SEC63: variants seen among roughly 807,000 people sequenced by gnomAD.
SEC63 encodes the protein translocation protein SEC63 homolog.
In SEC63, 56 loss-of-function variants were observed where a neutral mutation model predicts 116.2. That is an observed-to-expected ratio of 0.48 (90% CI 0.39 to 0.60). SEC63 has a LOEUF of 0.60. Ranked by LOEUF, SEC63 falls within the 20% of genes least tolerant of loss-of-function variation. The probability of loss-of-function intolerance (pLI) is 0.00; values close to 1 mark genes in which losing one functional copy is unlikely to be tolerated. For synonymous variants in SEC63, 273 were observed against 294.6 expected (o/e 0.93, Z 0.75); for missense variants, 668 against 900.0 (o/e 0.74, Z 3.30).
chr6:107,935,537 TA>T (rs1280843984), intron 1 of SEC63, among the ~76,000 whole-genome samples: 1 of 148,194 alleles, frequency 6.7e-6, no homozygotes, highest in Non-Finnish European at 1.5e-5. Flanking sequence ...CACTCAGGGT[TA>T]AATGGATTAA....
intron 1 of SEC63, among the ~76,000 whole-genome samples, chr6:107,933,673 C>T (rs1456171234): frequency 2.0e-5 from 3 of 149,448 alleles, no homozygotes; most frequent in Non-Finnish European, 4.4e-5. Context: ...TCTGCCTCTG[C>T]CCCTGCCCCT....
chr6:107,895,339 G>C (rs976491838), intron 14 of SEC63, among the ~76,000 whole-genome samples: 3 of 152,142 alleles, frequency 2.0e-5, no homozygotes, highest in Non-Finnish European at 4.4e-5. Flanking sequence ...CTCTCACCTA[G>C]AGTCCATGAC....
At position 107,957,867 on chromosome 6, in the gene SEC63, A is replaced by T; in HGVS notation, c.124+19T>A. 1 of 1,604,330 alleles carries T rather than the reference A, an allele frequency of 6.2e-7. No homozygotes were observed. Among genetic ancestry groups the T allele is most frequent in the Middle Eastern group, 1.7e-4 (1 of 5,774 alleles). Reference sequence around the variant, plus strand: ...GCGGGGCCTGCGCGGGTTCGCGGGCAAAGGCCGGCGGGACTCACCGGCATT... The same window carrying T: ...GCGGGGCCTGCGCGGGTTCGCGGGCTAAGGCCGGCGGGACTCACCGGCATT... On this transcript the variant is annotated intron_variant, in intron 1 of 20. Coordinates refer to ENST00000369002, the MANE Select transcript of SEC63 (RefSeq NM_007214.5).
chr6:107,872,928 A>G lies in SEC63; in HGVS notation c.2035-16T>C, dbSNP rs1195891952. On this transcript the variant is annotated splice_polypyrimidine_tract_variant and intron_variant, in intron 19 of 20. Transcript: ENST00000369002. ...TCAGCTCTACCTAGAAGATAAAATC[A>G]GCACTTAAAAATCTGTATTATGGGG... 6.7e-7 allele frequency: 1 copy of G among 1,490,262 alleles called. No individual in the cohort carries two copies. The highest frequency in any genetic ancestry group is 9.2e-7 in the Non-Finnish European group (1 of 1,090,984). 92.3% of individuals were successfully genotyped at this position (1,490,262 alleles called of 1,614,324 possible).
chr6:107,904,677 T>A lies in SEC63; in HGVS notation c.1006A>T (p.Met336Leu). The stretch of plus-strand genomic sequence containing the variant: ...ATTAGTTGGCAGATTACATTAACCA[T>A]TTCTTGAAGTAGGGCAGGACACTTT... ...LKKCPALLQEMVNVICQLIVM... is the reference protein window; with the variant it reads ...LKKCPALLQELVNVICQLIVM... Residue 336 changes from methionine (M) to leucine (L), a missense_variant, in exon 11 of 21, where the codon ATG (methionine) becomes TTG (leucine). Transcript: ENST00000369002. 6.2e-7 allele frequency: 1 copy of A among 1,613,992 alleles called. No individual in the cohort carries two copies. Among genetic ancestry groups the A allele is most frequent in the African/African-American group, 1.3e-5 (1 of 75,044 alleles).
intron 17 of SEC63, among the ~76,000 whole-genome samples, chr6:107,882,690 T>C (rs961917028): frequency 1.3e-5 from 2 of 152,058 alleles, no homozygotes; most frequent in Non-Finnish European, 2.9e-5. Flanking sequence ...TCCCCAACAC[T>C]GAAAATCCCC....
intron 16 of SEC63, 107 bp downstream of exon 16, chr6:107,893,375 G>A (rs776660484): frequency 2.8e-5 from 30 of 1,059,218 alleles, no homozygotes; most frequent in Middle Eastern, 3.0e-4. Context: ...AGGGTATCAC[G>A]GGTGCATAAA....
chr6:107,956,098 C>T (rs746906578), intron 1 of SEC63: 21 of 244,796 alleles, frequency 8.6e-5, no homozygotes, highest in Non-Finnish European at 1.5e-4. Flanking sequence ...GTAAATGAGA[C>T]TCTCCCCGCT....
In SEC63 at chr6:107,958,158, C is replaced by G; in HGVS notation, c.-149G>C. The G allele has an allele frequency of 8.0e-7, 1 of 1,251,798 alleles. No individual in the cohort carries two copies. Among genetic ancestry groups the G allele is most frequent in the South Asian group, 1.3e-5 (1 of 77,434 alleles). 77.5% of individuals were successfully genotyped at this position (1,251,798 alleles called of 1,614,324 possible). A position where few individuals can be genotyped will look rare whatever the true frequency, so the allele number is the denominator to read the frequency against. ...CGCCCCCACGCCACTCTCACGGACA[C>G]GCCGCCGCCACCTCTGCCGCTGCCG... On this transcript the variant is annotated 5_prime_UTR_variant, in exon 1 of 21. Transcript: ENST00000369002.
intron 1 of SEC63, among the ~76,000 whole-genome samples, chr6:107,950,483 G>A (rs1041582944): frequency 6.6e-6 from 1 of 152,164 alleles, no homozygotes; most frequent in African/African-American, 2.4e-5. Context: ...GTTCAGAAGT[G>A]CCATGGGACG....
rs1786093103 is a variant in SEC63 at position 107,870,002 on chromosome 6, G to T, written c.*1702C>A. On this transcript the variant is annotated 3_prime_UTR_variant, in exon 21 of 21. Transcript: ENST00000369002. ...GTCTGCTCAGTTTCCTTGCCTTCGT[G>T]CCACACCTGTTTTCTCTAATCCCTC... 6.6e-6 allele frequency: 1 copy of T among 152,066 alleles called. No homozygotes were observed. The highest frequency in any genetic ancestry group is 2.1e-4 in the South Asian group (1 of 4,810). 9.4% of individuals were successfully genotyped at this position (152,066 alleles called of 1,614,324 possible).
chr6:107,934,029 G>A (rs1279168056), intron 1 of SEC63, among the ~76,000 whole-genome samples: 1 of 152,194 alleles, frequency 6.6e-6, no homozygotes, highest in Non-Finnish European at 1.5e-5. Flanking sequence ...AGTGCTCAAT[G>A]GTGCCCAGGC....
intron 2 of SEC63, among the ~76,000 whole-genome samples, chr6:107,927,115 T>G (rs868166079): frequency 6.6e-6 from 1 of 152,124 alleles, no homozygotes; most frequent in Admixed American, 6.6e-5. Flanking sequence ...CAGGCTGGAG[T>G]GCAGTGGCAC....
At chr6:107,948,471 C>A (rs575291889) in intron 1 of SEC63, among the ~76,000 whole-genome samples, 1 of 152,186 alleles carries the variant, frequency 6.6e-6, no homozygotes, top group Non-Finnish European at 1.5e-5. Context: ...CTAGCTAGCA[C>A]TCACTCACTG....
intron 1 of SEC63, among the ~76,000 whole-genome samples, chr6:107,942,239 C>T (rs939829727): frequency 1.3e-5 from 2 of 152,180 alleles, no homozygotes; most frequent in Admixed American, 6.5e-5. Flanking sequence ...AACACTTTTA[C>T]AACTCCTTTC....
chr6:107,944,087 A>T (rs1013985271), intron 1 of SEC63, among the ~76,000 whole-genome samples: 3 of 152,236 alleles, frequency 2.0e-5, no homozygotes, highest in African/African-American at 7.2e-5. Flanking sequence ...GGTAGAGCCA[A>T]AAGAACATAC....
chr6:107,892,265 G>C (rs1224643202), intron 16 of SEC63, among the ~76,000 whole-genome samples: 1 of 152,070 alleles, frequency 6.6e-6, no homozygotes, highest in Non-Finnish European at 1.5e-5. Context: ...GAGGCAGTCT[G>C]GCCGCAGTAG....
chr6:107,920,740 G>A (rs994220768), intron 4 of SEC63, among the ~76,000 whole-genome samples: 1 of 152,148 alleles, frequency 6.6e-6, no homozygotes, highest in African/African-American at 2.4e-5. Flanking sequence ...GAGTCCTGAA[G>A]AATCTAGTTA....
At chr6:107,912,585 A>G (rs1554236166) in intron 6 of SEC63, 131 bp downstream of exon 6, 3 of 701,284 alleles carry the variant, frequency 4.3e-6, no homozygotes, top group Non-Finnish European at 7.8e-6. Context: ...ACTCTGTCTC[A>G]AATGAATGAA....
Sources: allele counts gnomAD v4.1 joint callset (sites outside exome capture counted in the v4.1 genomes callset), GRCh38; gene constraint gnomAD v4.1.1; transcripts MANE v1.5; gene names NCBI Gene and HGNC (gene_info 2026-07-23, HGNC 2026-07-21).